The following CAMTA1 variants were observed in gnomAD, a reference collection of about 807,000 sequenced individuals.
CAMTA1 encodes the protein calmodulin binding transcription activator 1.
Under a neutral mutation model 170.9 loss-of-function variants are expected in CAMTA1, and 27 were observed. The observed-to-expected ratio is 0.16, with a 90% CI of 0.12 to 0.22. The LOEUF (loss-of-function observed/expected upper bound fraction) is 0.22, where lower values mean the gene tolerates loss of function less well. Ranked by LOEUF, CAMTA1 falls within the 10% of genes least tolerant of loss-of-function variation. The pLI is 1.00. For missense variants in CAMTA1, 1,619 were observed against 2,217.2 expected (o/e 0.73, Z 5.42); for synonymous variants, 833 against 891.5 (o/e 0.93, Z 1.17).
intron 5 of CAMTA1, among the ~76,000 whole-genome samples, chr1:7,410,272 G>A (rs1303519407): frequency 2.0e-5 from 3 of 152,254 alleles, no homozygotes; most frequent in African/African-American, 4.8e-5. Context: ...AACCAAAGAC[G>A]TGGGCATGAG....
At chr1:6,919,565 C>A (rs565074951) in intron 3 of CAMTA1, among the ~76,000 whole-genome samples, 10 of 149,770 alleles carry the variant, frequency 6.7e-5, no homozygotes, top group African/African-American at 2.4e-4. Context: ...GCTGGGTGTT[C>A]CCAAACCTTG....
intron 5 of CAMTA1, among the ~76,000 whole-genome samples, chr1:7,344,177 A>G (rs2149831704): frequency 6.6e-6 from 1 of 152,274 alleles, no homozygotes; most frequent in East Asian, 1.9e-4. Context: ...TGAGGGCTGG[A>G]CCCTTGGAGC....
rs1005341239 is a variant in CAMTA1, at chr1:6,965,126, A to G, written c.235-126178A>G. ...GAAGCAGGGCCAGCGGAAGGGCTGTATTTCTGGTGAGATGTATTAATATGT... is the reference window on the plus strand; with the variant it reads ...GAAGCAGGGCCAGCGGAAGGGCTGTGTTTCTGGTGAGATGTATTAATATGT... On this transcript the variant is annotated intron_variant, in intron 3 of 22. Transcript: ENST00000303635. This position sits in a 1 kb window ranked among gnomAD's most constrained non-coding sequence, Gnocchi z 4.1. Among the ~76,000 whole-genome samples the G allele has an allele frequency of 6.6e-6, 1 of 152,206 alleles. No homozygotes were observed. Among genetic ancestry groups the G allele is most frequent in the African/African-American group, 2.4e-5 (1 of 41,454 alleles).
intron 5 of CAMTA1, among the ~76,000 whole-genome samples, chr1:7,410,945 A>ATG (rs1285662122): frequency 6.7e-6 from 1 of 149,948 alleles, no homozygotes; most frequent in East Asian, 2.0e-4. Flanking sequence ...GTATGTGTGT[A>ATG]TATGTGTGTA....
intron 6 of CAMTA1, among the ~76,000 whole-genome samples, chr1:7,542,393 C>A (rs2150114346): frequency 6.6e-6 from 1 of 152,070 alleles, no homozygotes; most frequent in East Asian, 1.9e-4. Flanking sequence ...AAAGCATTTC[C>A]CCCGTCATTC....
intron 3 of CAMTA1, among the ~76,000 whole-genome samples, chr1:6,844,500 T>G (rs1204718776): frequency 3.6e-5 from 4 of 111,498 alleles, no homozygotes; most frequent in Non-Finnish European, 5.3e-5. Flanking sequence ...GACAAAACCA[T>G]TGCATTACAA....
chr1:7,488,793 T>A (rs945471195), intron 6 of CAMTA1, among the ~76,000 whole-genome samples: 8 of 151,334 alleles, frequency 5.3e-5, no homozygotes, highest in Middle Eastern at 3.4e-3. Context: ...GCAATATAAA[T>A]ACACACATGT....
In CAMTA1 at chr1:7,221,906, TAC is replaced by T. The variant is rs34399218; in HGVS notation, c.303-27565_303-27564del. On this transcript the variant is annotated intron_variant, in intron 4 of 22. Coordinates refer to ENST00000303635, the MANE Select transcript of CAMTA1 (RefSeq NM_015215.4). ...GAGGGCATGTGCACAAGCTGGTGCATACACACACACACACACACACATACACA... is the reference window on the plus strand; with the variant it reads ...GAGGGCATGTGCACAAGCTGGTGCATACACACACACACACACACATACACA... Among the ~76,000 whole-genome samples, 636 of 147,202 alleles carry T rather than the reference TAC, an allele frequency of 4.3e-3. 3 individuals are homozygous for T. Among genetic ancestry groups the T allele is most frequent in the African/African-American group, 0.012 (483 of 39,210 alleles).
chr1:7,416,208 C>A (rs982319603), intron 5 of CAMTA1, among the ~76,000 whole-genome samples: 2 of 152,090 alleles, frequency 1.3e-5, no homozygotes, highest in African/African-American at 4.8e-5. Context: ...TCCTTCATTT[C>A]AACTTTGGTG....
intron 4 of CAMTA1, among the ~76,000 whole-genome samples, chr1:7,203,976 C>T (rs1558243436): frequency 1.3e-5 from 2 of 151,014 alleles, no homozygotes; most frequent in South Asian, 2.1e-4. Context: ...GGACTACAGG[C>T]GCCCGCCACC....
Position 7,502,890 on chromosome 1 carries a change from C to T in CAMTA1, c.510+34989C>T, listed in dbSNP as rs116466828. Reference sequence around the variant, plus strand: ...GCTGAAGCGAGGCAGGCAGCCCTGCCCTGTGGCCCCTGCCCCGCACCCCCT... The same window carrying T: ...GCTGAAGCGAGGCAGGCAGCCCTGCTCTGTGGCCCCTGCCCCGCACCCCCT... On this transcript the variant is annotated intron_variant, in intron 6 of 22. Transcript: ENST00000303635. Among the ~76,000 whole-genome samples, 660 of 152,318 alleles carry T rather than the reference C, an allele frequency of 4.3e-3. 5 individuals are homozygous for T. The highest frequency in any genetic ancestry group is 0.015 in the African/African-American group (604 of 41,570).
chr1:7,602,118 T>C (rs1453146174), intron 6 of CAMTA1, among the ~76,000 whole-genome samples: 2 of 136,948 alleles, frequency 1.5e-5, no homozygotes, highest in African/African-American at 6.1e-5. Flanking sequence ...CTTCCTTCCT[T>C]CCTTCCTTCC....
chr1:7,254,046 C>T (rs1480167955), intron 5 of CAMTA1, among the ~76,000 whole-genome samples: 1 of 152,082 alleles, frequency 6.6e-6, no homozygotes, highest in African/African-American at 2.4e-5. Flanking sequence ...GGAGGGGAAC[C>T]TGAGGCCGAC....
intron 4 of CAMTA1, among the ~76,000 whole-genome samples, chr1:7,166,887 T>C (rs1648580194): frequency 6.6e-6 from 1 of 151,766 alleles, no homozygotes; most frequent in Admixed American, 6.6e-5. Flanking sequence ...CTTGGCTCAC[T>C]GAAACCTCCA....
intron 6 of CAMTA1, among the ~76,000 whole-genome samples, chr1:7,543,293 C>G (rs2094640724): frequency 6.6e-6 from 1 of 152,134 alleles, no homozygotes. Context: ...TGATGAACAT[C>G]CTTATAAATA....
intron 3 of CAMTA1, among the ~76,000 whole-genome samples, chr1:6,888,891 T>TA (rs1673915879): frequency 6.6e-6 from 1 of 152,200 alleles, no homozygotes; most frequent in African/African-American, 2.4e-5. Context: ...TGTAGGCTGT[T>TA]ACCTCAAGGT....
intron 4 of CAMTA1, among the ~76,000 whole-genome samples, chr1:7,108,287 T>C (rs1341357268): frequency 6.6e-6 from 1 of 152,184 alleles, no homozygotes; most frequent in Non-Finnish European, 1.5e-5. Flanking sequence ...AGTTTTCGCA[T>C]CTGTATAATG....
At chr1:7,718,498 C>T (rs1315714343) in intron 11 of CAMTA1, among the ~76,000 whole-genome samples, 3 of 151,808 alleles carry the variant, frequency 2.0e-5, no homozygotes, top group East Asian at 3.9e-4. Flanking sequence ...ATTTAAATCA[C>T]GCCTTCATGT....
At chr1:7,022,078 T>C (rs1273585440) in intron 3 of CAMTA1, among the ~76,000 whole-genome samples, 1 of 152,168 alleles carries the variant, frequency 6.6e-6, no homozygotes, top group African/African-American at 2.4e-5. Flanking sequence ...GTGACTCCCC[T>C]CCAGTACTAG....
Sources: allele counts gnomAD v4.1 joint callset (sites outside exome capture counted in the v4.1 genomes callset), GRCh38; gene constraint gnomAD v4.1.1; non-coding constraint Gnocchi (gnomAD v3.1); transcripts MANE v1.5; gene names NCBI Gene and HGNC (gene_info 2026-07-23, HGNC 2026-07-21).